Variants in UCHL5 observed in about 807,000 individuals in gnomAD.
The protein encoded by UCHL5 is ubiquitin carboxyl-terminal hydrolase isozyme L5.
UCHL5 carries 34 observed loss-of-function variants against 53.8 expected under a neutral mutation model. That is an observed-to-expected ratio of 0.63 (90% CI 0.48 to 0.84). The LOEUF is 0.84. Ranked by LOEUF, UCHL5 falls within the 40% of genes least tolerant of loss-of-function variation. UCHL5 has a pLI of 0.00. For synonymous variants in UCHL5, 111 were observed against 126.3 expected, an observed-to-expected ratio of 0.88 and a Z score of 0.81; for missense variants, 290 against 385.6, an observed-to-expected ratio of 0.75 and a Z score of 2.08.
chr1:193,053,985 G>A (rs545970147), intron 1 of UCHL5, among the ~76,000 whole-genome samples: 8 of 150,366 alleles, frequency 5.3e-5, no homozygotes, highest in South Asian at 2.1e-4. Context: ...CTGGAAGTTC[G>A]GAGGTAAGAG....
At chr1:193,026,028 T>C (rs1450365508) in intron 7 of UCHL5, among the ~76,000 whole-genome samples, 1 of 151,022 alleles carries the variant, frequency 6.6e-6, no homozygotes, top group African/African-American at 2.4e-5. Context: ...GCAGGAGGAA[T>C]TCAGTGGAGG....
At chr1:193,047,790 T>G (rs986970172) in intron 3 of UCHL5, among the ~76,000 whole-genome samples, 5 of 152,186 alleles carry the variant, frequency 3.3e-5, no homozygotes, top group African/African-American at 1.2e-4. Flanking sequence ...TTTCCTCTTC[T>G]TTTCCATCTG....
At chr1:193,044,617 T>C (rs958423832) in intron 3 of UCHL5, among the ~76,000 whole-genome samples, 3 of 152,138 alleles carry the variant, frequency 2.0e-5, no homozygotes, top group Non-Finnish European at 2.9e-5. Context: ...TACCTCTCTA[T>C]ATTGAGGTAA....
At chr1:193,035,735 C>T (rs1326107164) in intron 3 of UCHL5, among the ~76,000 whole-genome samples, 1 of 152,086 alleles carries the variant, frequency 6.6e-6, no homozygotes, top group Admixed American at 6.5e-5. Context: ...GCTCATAACT[C>T]TGATATAAAG....
At position 193,033,558 on chromosome 1, in the gene UCHL5, CTTCA is replaced by C. The variant is rs561972735; in HGVS notation, c.247-3905_247-3902del. Among the ~76,000 whole-genome samples, 152 of 151,894 alleles carry C rather than the reference CTTCA, an allele frequency of 1.0e-3. 1 individual carries two copies. The highest frequency in any genetic ancestry group is 3.5e-3 in the African/African-American group (146 of 41,430). ...TTAAGTTAAAAAAATTATTGTCAATCTTCATTGAGTCACAGCTATAGCAATATAA... is the reference window on the plus strand; with the variant it reads ...TTAAGTTAAAAAAATTATTGTCAATCTTGAGTCACAGCTATAGCAATATAA... On this transcript the variant is annotated intron_variant, in intron 3 of 10. Transcript: ENST00000367454.
At chr1:193,054,673 G>A (rs56856436) in intron 1 of UCHL5, among the ~76,000 whole-genome samples, 3 of 152,068 alleles carry the variant, frequency 2.0e-5, no homozygotes, top group African/African-American at 7.2e-5. Flanking sequence ...GCTTCCAGGG[G>A]CACCATATGC....
At chr1:193,046,434 C>CA (rs1667344437) in intron 3 of UCHL5, among the ~76,000 whole-genome samples, 1 of 151,780 alleles carries the variant, frequency 6.6e-6, no homozygotes, top group East Asian at 1.9e-4. Flanking sequence ...CTAAAGGAGG[C>CA]AGTGTTGTGA....
At chr1:193,038,848 T>C (rs1037088592) in intron 3 of UCHL5, among the ~76,000 whole-genome samples, 3 of 151,732 alleles carry the variant, frequency 2.0e-5, no homozygotes, top group Admixed American at 6.6e-5. Flanking sequence ...TTCTAAAAAT[T>C]AGCCACCTGT....
chr1:193,048,428 G>A (rs550102672), intron 3 of UCHL5, among the ~76,000 whole-genome samples: 6 of 152,108 alleles, frequency 3.9e-5, no homozygotes, highest in African/African-American at 1.2e-4. Flanking sequence ...TTCATAAAAC[G>A]GTAAATGTAC....
intron 1 of UCHL5, among the ~76,000 whole-genome samples, chr1:193,053,403 G>A (rs918348392): frequency 1.3e-5 from 2 of 152,198 alleles, no homozygotes; most frequent in Non-Finnish European, 2.9e-5. Context: ...TTCAAGTAGC[G>A]ACACTGCTTA....
chr1:193,020,333 G>A (rs1656492482), intron 10 of UCHL5: 2 of 1,546,222 alleles, frequency 1.3e-6, no homozygotes, highest in Non-Finnish European at 1.7e-6. Flanking sequence ...TAAGTTAATG[G>A]TCCAAAATTT....
At chr1:193,038,907 G>A (rs971232385) in intron 3 of UCHL5, among the ~76,000 whole-genome samples, 6 of 151,642 alleles carry the variant, frequency 4.0e-5, no homozygotes, top group East Asian at 2.0e-4. Flanking sequence ...GAGGCAGGAG[G>A]ATTGCTTGAG....
chr1:193,054,852 T>C (rs1292191754), intron 1 of UCHL5, among the ~76,000 whole-genome samples: 1 of 152,186 alleles, frequency 6.6e-6, no homozygotes, highest in Non-Finnish European at 1.5e-5. Context: ...TTATAGATGA[T>C]GGAATTACTC....
intron 3 of UCHL5, among the ~76,000 whole-genome samples, chr1:193,031,359 A>C (rs1661318224): frequency 1.3e-5 from 2 of 152,168 alleles, no homozygotes; most frequent in African/African-American, 4.8e-5. Context: ...GCTACGGCAG[A>C]AAAGATTATC....
In UCHL5 at chr1:193,023,346, G is replaced by T. The variant is rs1319705403; in HGVS notation, c.733-310C>A. Among the ~76,000 whole-genome samples the T allele has an allele frequency of 3.9e-5, 6 of 152,072 alleles. 1 individual carries two copies. In the East Asian group the frequency reaches 7.7e-4, roughly 20 times the overall value. ...TACTCTTAAGAAAATGTGCTCAAAG[G>T]ATTGTAAAATAAACTTTGTCTATTA... On this transcript the variant is annotated intron_variant, in intron 8 of 10. Coordinates refer to ENST00000367454, the MANE Select transcript of UCHL5 (RefSeq NM_001199261.3).
In UCHL5 at chr1:193,015,494, C is replaced by A. The variant is rs551029304; in HGVS notation, c.*857G>T. 3 of 151,882 alleles carry A rather than the reference C, an allele frequency of 2.0e-5. No homozygotes were observed. The highest frequency in any genetic ancestry group is 7.2e-5 in the African/African-American group (3 of 41,388). The allele number at this position is 151,882 out of a possible 1,614,324, so 9.4% of individuals were successfully genotyped here. On this transcript the variant is annotated 3_prime_UTR_variant, in exon 11 of 11. Coordinates refer to ENST00000367454, the MANE Select transcript of UCHL5 (RefSeq NM_001199261.3). ...TGGCTCTTGAAAACTGCAGGCTGTACGAAATTTATTCAAATTGGCATAGAA... is the reference window on the plus strand; with the variant it reads ...TGGCTCTTGAAAACTGCAGGCTGTAAGAAATTTATTCAAATTGGCATAGAA...
intron 9 of UCHL5, among the ~76,000 whole-genome samples, chr1:193,022,205 G>C (rs148180364): frequency 0.011 from 1,686 of 152,000 alleles, 16 homozygotes; most frequent in South Asian, 0.034. Flanking sequence ...CTAGTTTAAG[G>C]CCCATTCATT....
chr1:193,016,411 A>G lies in UCHL5; in HGVS notation c.943-16T>C. On this transcript the variant is annotated splice_polypyrimidine_tract_variant and intron_variant, in intron 10 of 10. Coordinates refer to ENST00000367454, the MANE Select transcript of UCHL5 (RefSeq NM_001199261.3). ...TTTCTTTTGCCTAAAAATTAAAAAT[A>G]GTATGTTACAAAATTTTAAAAGTCA... 6.2e-7 allele frequency: 1 copy of G among 1,600,182 alleles called. No individual in the cohort carries two copies. Among genetic ancestry groups the G allele is most frequent in the South Asian group, 1.1e-5 (1 of 88,868 alleles).
intron 2 of UCHL5, among the ~76,000 whole-genome samples, chr1:193,050,202 AG>A (rs1165365025): frequency 6.6e-6 from 1 of 152,256 alleles, no homozygotes; most frequent in African/African-American, 2.4e-5. Flanking sequence ...ACATGTTTAT[AG>A]ATAAACGGTT....
Sources: allele counts gnomAD v4.1 joint callset (sites outside exome capture counted in the v4.1 genomes callset), GRCh38; gene constraint gnomAD v4.1.1; transcripts MANE v1.5; gene names NCBI Gene and HGNC (gene_info 2026-07-23, HGNC 2026-07-21).